The following H2BC18 variants were observed in gnomAD, a reference collection of about 807,000 sequenced individuals.
H2BC18 encodes H2B clustered histone 18.
Under a neutral mutation model 6.3 loss-of-function variants are expected in H2BC18, and 8 were observed. The ratio of observed to expected loss-of-function variants is 1.28; its 90% confidence interval spans 0.75 to 2.31. The LOEUF is 2.31. H2BC18 is among the 30% of genes most tolerant of loss of function. H2BC18 has a pLI of 0.00. For synonymous variants in H2BC18, 104 were observed against 78.1 expected (o/e 1.33, Z -1.75); for missense variants, 106 against 174.5 (o/e 0.61, Z 2.21).
At chr1:149,788,373 A>G (rs147688465) in intron 1 of H2BC18, 1 of 1,612,786 alleles carries the variant, frequency 6.2e-7, no homozygotes, top group East Asian at 2.2e-5. Flanking sequence ...CAGGCTGGCT[A>G]CTACTGCAGG....
chr1:149,796,129 G>A (rs587677564), intron 1 of H2BC18, among the ~76,000 whole-genome samples: 1 of 149,938 alleles, frequency 6.7e-6, no homozygotes, highest in African/African-American at 2.5e-5. Flanking sequence ...TTTTCTAAAT[G>A]TGGGGTCAAA....
chr1:149,807,527 C>G (rs1481025948), downstream of H2BC18, among the ~76,000 whole-genome samples: 97 of 5,752 alleles, frequency 0.017, no homozygotes, highest in African/African-American at 0.027. Flanking sequence ...GGGGGGGGGG[C>G]GGGCATGGTG....
chr1:149,799,432 G>A (rs1178400011), intron 1 of H2BC18, among the ~76,000 whole-genome samples: 1 of 152,056 alleles, frequency 6.6e-6, no homozygotes, highest in African/African-American at 2.4e-5. Context: ...GAATTTAATA[G>A]GACCTTGCAA....
chr1:149,806,503 G>A (rs782657025), intron 1 of H2BC18, among the ~76,000 whole-genome samples: 10 of 152,056 alleles, frequency 6.6e-5, no homozygotes, highest in African/African-American at 1.9e-4. Flanking sequence ...CAGGAGAATC[G>A]CTTGAACCCA....
intron 1 of H2BC18, chr1:149,793,129 G>A: frequency 3.9e-6 from 5 of 1,274,014 alleles, no homozygotes; most frequent in East Asian, 6.5e-5. Flanking sequence ...AGGTGCGCCC[G>A]GCCGAGCCTC....
In H2BC18 at chr1:149,812,145, A is replaced by G; in HGVS notation, c.179T>C (p.Met60Thr). 1 of 1,614,132 alleles carries G rather than the reference A, an allele frequency of 6.2e-7. No individual in the cohort carries two copies. The highest frequency in any genetic ancestry group is 8.5e-7 in the Non-Finnish European group (1 of 1,180,048). ...GTTGACGAAGGAGTTCATGATGCCCATGGCCTTGGACGAGATGCCGGTGTC... is the reference window on the plus strand; with the variant it reads ...GTTGACGAAGGAGTTCATGATGCCCGTGGCCTTGGACGAGATGCCGGTGTC... ...HPDTGISSKA[M>T]GIMNSFVNDI... Residue 60 changes from methionine to threonine, a missense_variant, in exon 1 of 1, where the codon ATG (methionine) becomes ACG (threonine). Transcript: ENST00000369167.
chr1:149,789,991 C>T, intron 1 of H2BC18: 1 of 1,613,250 alleles, frequency 6.2e-7, no homozygotes, highest in Non-Finnish European at 8.5e-7. Flanking sequence ...AAGGGCATGT[C>T]TTTTGTGAAA....
downstream of H2BC18, among the ~76,000 whole-genome samples, chr1:149,808,041 A>C: frequency 6.6e-6 from 1 of 152,030 alleles, no homozygotes; most frequent in East Asian, 1.9e-4. Flanking sequence ...GTAAAATACA[A>C]ATTTTCTTAA....
At chr1:149,809,102 A>ACCCAGGC (rs1553754169), downstream of H2BC18, among the ~76,000 whole-genome samples, 1 of 132,658 alleles carries the variant, frequency 7.5e-6, no homozygotes, top group South Asian at 2.8e-4. Flanking sequence ...CAATGCCCTG[A>ACCCAGGC]CCCAGGCCAA....
At chr1:149,800,201 G>A (rs2091851309) in intron 1 of H2BC18, among the ~76,000 whole-genome samples, 1 of 152,182 alleles carries the variant, frequency 6.6e-6, no homozygotes, top group Admixed American at 6.5e-5. Flanking sequence ...GGTAAAGTAT[G>A]GGGGAAGGAG....
rs781803172 is a variant in H2BC18 at position 149,792,692 on chromosome 1, G to A, written c.378-9432C>T. ...GCCGCCAGCGCCCGGGGACCCAGCT[G>A]CGGCGAAAGCTGTTGGGCGCGCGCT... On this transcript the variant is annotated intron_variant, in intron 1 of 1. Transcript: ENST00000545683. 68 of 1,281,630 alleles carry A rather than the reference G, an allele frequency of 5.3e-5. 5 individuals are homozygous for A. The highest frequency in any genetic ancestry group is 5.6e-5 in the East Asian group (1 of 17,754). 79.4% of individuals were successfully genotyped at this position (1,281,630 alleles called of 1,614,324 possible). A position where few individuals can be genotyped will look rare whatever the true frequency, so the allele number is the denominator to read the frequency against.
intron 1 of H2BC18, chr1:149,792,803 G>A (rs1405849843): frequency 7.8e-7 from 1 of 1,279,688 alleles, no homozygotes; most frequent in Non-Finnish European, 1.0e-6. Flanking sequence ...TGAGCTGTAG[G>A]AGTCGGTGGG....
chr1:149,789,341 T>C (rs6587578), intron 1 of H2BC18, among the ~76,000 whole-genome samples: 5 of 152,016 alleles, frequency 3.3e-5, no homozygotes, highest in South Asian at 2.1e-4. Flanking sequence ...TGCAGTGAGC[T>C]GAGATAGCGC....
In H2BC18 at chr1:149,782,796, C is replaced by G. The variant is rs372191093; in HGVS notation, c.*437G>C. On this transcript the variant is annotated 3_prime_UTR_variant, in exon 2 of 2. Transcript: ENST00000545683. ...TGGGGTAAGTTGGACTCAGAGGGGACAGTTAGAAGGGTACAGGCTGTGGCT... is the reference window on the plus strand; with the variant it reads ...TGGGGTAAGTTGGACTCAGAGGGGAGAGTTAGAAGGGTACAGGCTGTGGCT... 3.3e-4 allele frequency: 504 copies of G among 1,520,722 alleles called. 2 individuals are homozygous for G. The African/African-American group carries it at 6.5e-3, about 20-fold the overall frequency. The allele number at this position is 1,520,722 out of a possible 1,614,324, so 94.2% of individuals were successfully genotyped here. A position where few individuals can be genotyped will look rare whatever the true frequency, so the allele number is the denominator to read the frequency against.
intron 1 of H2BC18, chr1:149,784,313 T>C (rs1474190361): frequency 1.2e-6 from 2 of 1,610,480 alleles, no homozygotes; most frequent in Admixed American, 1.7e-5. Flanking sequence ...CTCTGCGTTC[T>C]CTCCTTTCTG....
downstream of H2BC18, among the ~76,000 whole-genome samples, chr1:149,809,632 T>C (rs2091953718): frequency 6.9e-6 from 1 of 145,458 alleles, no homozygotes; most frequent in Admixed American, 6.7e-5. Context: ...CATATGTCTC[T>C]AGCAGAAGAC....
At chr1:149,792,738 C>A (rs1553752187) in intron 1 of H2BC18, 1 of 1,284,004 alleles carries the variant, frequency 7.8e-7, no homozygotes, top group Admixed American at 2.3e-5. Flanking sequence ...TCCGCGCCCC[C>A]GCCAAAACCC....
chr1:149,797,541 T>C (rs1441386903), intron 1 of H2BC18, among the ~76,000 whole-genome samples: 1 of 152,238 alleles, frequency 6.6e-6, no homozygotes, highest in Non-Finnish European at 1.5e-5. Context: ...TTTCATTGAC[T>C]ATGCTTTCAT....
At chr1:149,810,325 C>G (rs1471717673), downstream of H2BC18, 2 of 151,828 alleles carry the variant, frequency 1.3e-5, no homozygotes, top group African/African-American at 4.8e-5. Flanking sequence ...AGTTATCTTT[C>G]CCTGACCTCT....
Sources: allele counts gnomAD v4.1 joint callset (sites outside exome capture counted in the v4.1 genomes callset), GRCh38; gene constraint gnomAD v4.1.1; transcripts MANE v1.5; gene names NCBI Gene and HGNC (gene_info 2026-07-23, HGNC 2026-07-21).